Variants in TXLNB observed in about 807,000 individuals in gnomAD.
TXLNB encodes the protein taxilin beta.
A neutral mutation model predicts 57.4 loss-of-function variants in TXLNB; 37 were observed. That is an observed-to-expected ratio of 0.64 (90% CI 0.50 to 0.85). The LOEUF is 0.85. TXLNB is among the 40% of genes least tolerant of loss of function. TXLNB has a pLI of 0.00. For synonymous variants in TXLNB, 302 were observed against 309.6 expected, an observed-to-expected ratio of 0.98 and a Z score of 0.26; for missense variants, 848 against 825.6, an observed-to-expected ratio of 1.03 and a Z score of -0.33.
rs1489776785 is a variant in TXLNB, at chr6:139,241,566, AGGAAGCCT to A, written c.*952_*959del. On this transcript the variant is annotated 3_prime_UTR_variant, in exon 10 of 10. Transcript: ENST00000358430. Reference sequence around the variant, plus strand: ...TTCCCACTTCCAACCGTTTCCTTGCAGGAAGCCTGGAATGGGATGCCCTGGCACATGAG... The same window carrying A: ...TTCCCACTTCCAACCGTTTCCTTGCAGGAATGGGATGCCCTGGCACATGAG... 6.6e-6 allele frequency: 1 copy of A among 152,230 alleles called. No individual in the cohort carries two copies. Among genetic ancestry groups the A allele is most frequent in the Non-Finnish European group, 1.5e-5 (1 of 68,062 alleles). 9.4% of individuals were successfully genotyped at this position (152,230 alleles called of 1,614,324 possible).
chr6:139,260,087 T>C (rs1299640448), intron 6 of TXLNB, among the ~76,000 whole-genome samples: 2 of 152,110 alleles, frequency 1.3e-5, no homozygotes, highest in Non-Finnish European at 2.9e-5. Context: ...TAGCCTGTTG[T>C]GGTAGTGGGC....
the TXLNB span, among the ~76,000 whole-genome samples, chr6:139,300,654 T>C: frequency 1.3e-5 from 2 of 152,150 alleles, no homozygotes; most frequent in Non-Finnish European, 2.9e-5. Context: ...ATCCCAGCAC[T>C]TTGGGAGGCT....
chr6:139,184,107 T>A, the TXLNB span, among the ~76,000 whole-genome samples: 1 of 152,224 alleles, frequency 6.6e-6, no homozygotes, highest in Non-Finnish European at 1.5e-5. Flanking sequence ...ACATGGCTGC[T>A]TATGTTTGCT....
chr6:139,207,574 C>T, the TXLNB span, among the ~76,000 whole-genome samples: 20 of 152,024 alleles, frequency 1.3e-4, no homozygotes, highest in African/African-American at 4.1e-4. Flanking sequence ...TCTCAAAGAA[C>T]TAGAGAAACA....
rs1445182072 is a variant in TXLNB at position 139,241,943 on chromosome 6, G to T, written c.*583C>A. ...CTGCATTGAGAAAAATGCATTAAGG[G>T]GTGAGAGAAATGTATGTGTAATAAT... On this transcript the variant is annotated 3_prime_UTR_variant, in exon 10 of 10. Transcript: ENST00000358430. 6.6e-6 allele frequency: 1 copy of T among 151,958 alleles called. No individual in the cohort carries two copies. The highest frequency in any genetic ancestry group is 2.1e-4 in the South Asian group (1 of 4,810). 9.4% of individuals were successfully genotyped at this position (151,958 alleles called of 1,614,324 possible).
downstream of TXLNB, chr6:139,237,522 AAAAAG>A (rs919044231): frequency 6.6e-6 from 1 of 151,930 alleles, no homozygotes; most frequent in African/African-American, 2.4e-5. Flanking sequence ...AAAAAAAAAA[AAAAAG>A]AAAAGAAAAA....
the TXLNB span, chr6:139,183,681 A>ATAAT: frequency 6.6e-6 from 1 of 152,226 alleles, no homozygotes; most frequent in Non-Finnish European, 1.5e-5. Flanking sequence ...AACCTTTTAA[A>ATAAT]TAATTAAAGG....
chr6:139,219,772 AC>A, the TXLNB span, among the ~76,000 whole-genome samples: 1,491 of 152,292 alleles, frequency 9.8e-3, 19 homozygotes, highest in African/African-American at 0.033. Context: ...CCATCTTGAA[AC>A]CAAGTCAGCA....
At chr6:139,307,658 G>A in the TXLNB span, among the ~76,000 whole-genome samples, 4 of 152,046 alleles carry the variant, frequency 2.6e-5, no homozygotes, top group African/African-American at 7.3e-5. Context: ...GAGATTTCCA[G>A]GACAACCTTA....
chr6:139,256,700 A>T (rs1776352290), intron 6 of TXLNB, among the ~76,000 whole-genome samples: 1 of 152,250 alleles, frequency 6.6e-6, no homozygotes, highest in South Asian at 2.1e-4. Context: ...CACACTTGAT[A>T]CAATAAGAAC....
At chr6:139,267,437 A>C (rs948861039) in intron 4 of TXLNB, among the ~76,000 whole-genome samples, 2 of 152,198 alleles carry the variant, frequency 1.3e-5, no homozygotes, top group Non-Finnish European at 2.9e-5. Flanking sequence ...AGACTATGAA[A>C]AATTAAGAAT....
At chr6:139,205,326 CA>C in the TXLNB span, among the ~76,000 whole-genome samples, 1 of 152,118 alleles carries the variant, frequency 6.6e-6, no homozygotes, top group Non-Finnish European at 1.5e-5. Context: ...GGGGTTATAC[CA>C]TGTTGGCCAG....
chr6:139,186,455 A>G, the TXLNB span, among the ~76,000 whole-genome samples: 7 of 152,248 alleles, frequency 4.6e-5, no homozygotes, highest in East Asian at 5.8e-4. Flanking sequence ...ACAATGAGGT[A>G]CCACTTCACA....
rs1321949214 is a variant in TXLNB at position 139,284,651 on chromosome 6, A to G, written c.424+3825T>C. Among the ~76,000 whole-genome samples, 4 of 146,366 alleles carry G rather than the reference A, an allele frequency of 2.7e-5. 1 individual carries two copies. Among genetic ancestry groups the G allele is most frequent in the East Asian group, 2.0e-4 (1 of 5,080 alleles). On this transcript the variant is annotated intron_variant, in intron 2 of 9. Transcript: ENST00000358430. ...GGCCTTGTGGGAGATGGCGTATAGC[A>G]TGTTCAAAGAACTGAGAAACTAGAT... is the stretch of plus-strand genomic sequence containing the variant.
At chr6:139,170,741 A>G in the TXLNB span, among the ~76,000 whole-genome samples, 2 of 152,194 alleles carry the variant, frequency 1.3e-5, no homozygotes, top group South Asian at 2.1e-4. Flanking sequence ...GAACTTTGCT[A>G]TATATTCTTT....
At chr6:139,228,080 T>A in the TXLNB span, among the ~76,000 whole-genome samples, 1 of 152,242 alleles carries the variant, frequency 6.6e-6, no homozygotes, top group African/African-American at 2.4e-5. Context: ...TCCATAGAAG[T>A]TAATTATTAG....
chr6:139,247,682 C>T (rs761375142), intron 8 of TXLNB, 135 bp downstream of exon 8: 5 of 543,272 alleles, frequency 9.2e-6, no homozygotes, highest in Non-Finnish European at 1.6e-5. Flanking sequence ...GCCCAAACCT[C>T]ATTCCTACCT....
intron 2 of TXLNB, among the ~76,000 whole-genome samples, chr6:139,278,926 C>T (rs1303008437): frequency 1.3e-5 from 2 of 152,172 alleles, no homozygotes; most frequent in African/African-American, 4.8e-5. Context: ...ATCACTTGAA[C>T]CCAGGAGGCA....
chr6:139,198,503 G>A, the TXLNB span, among the ~76,000 whole-genome samples: 7 of 150,488 alleles, frequency 4.7e-5, no homozygotes, highest in Non-Finnish European at 8.8e-5. Context: ...GTTACAATGT[G>A]AGACAGATAA....
Sources: gnomAD v4.1 joint callset for allele counts (sites outside exome capture counted in the v4.1 genomes callset) on GRCh38, gnomAD v4.1.1 for gene constraint, MANE v1.5 for transcripts, NCBI Gene and HGNC (gene_info 2026-07-23, HGNC 2026-07-21) for gene names.